Variants in ABLIM1 observed in about 807,000 individuals in gnomAD.
The protein encoded by ABLIM1 is actin-binding LIM protein 1.
Under a neutral mutation model 107.0 loss-of-function variants are expected in ABLIM1, and 40 were observed. The observed-to-expected ratio is 0.37, with a 90% CI of 0.29 to 0.49. ABLIM1 has a LOEUF of 0.49. Among genes scored for constraint, ABLIM1 ranks in the 20% least tolerant of loss-of-function variants. The pLI is 0.97. For synonymous variants in ABLIM1, 357 were observed against 357.3 expected, an observed-to-expected ratio of 1.00 and a Z score of 0.01; for missense variants, 857 against 1,008.5, an observed-to-expected ratio of 0.85 and a Z score of 2.04.
chr10:114,736,165 C>G (rs2082175501), intron 1 of ABLIM1, among the ~76,000 whole-genome samples: 1 of 152,114 alleles, frequency 6.6e-6, no homozygotes, highest in Non-Finnish European at 1.5e-5. Flanking sequence ...TTAAAGTGCC[C>G]CCCAGGAACC....
intron 1 of ABLIM1, among the ~76,000 whole-genome samples, chr10:114,623,818 G>C (rs771599417): frequency 3.5e-4 from 54 of 152,266 alleles, no homozygotes; most frequent in Middle Eastern, 3.4e-3. Context: ...TATTAAAAAA[G>C]CCAGGATCTT....
At chr10:114,534,036 C>G (rs1033120692) in intron 6 of ABLIM1, among the ~76,000 whole-genome samples, 2 of 152,142 alleles carry the variant, frequency 1.3e-5, no homozygotes, top group African/African-American at 4.8e-5. Context: ...TTCTGCTCCC[C>G]CAAGAGAAGG....
chr10:114,441,200 T>C, intron 18 of ABLIM1, 123 bp from the exon 19 acceptor site: 2 of 912,152 alleles, frequency 2.2e-6, no homozygotes, highest in Non-Finnish European at 3.1e-6. Context: ...CAGACCTTCA[T>C]TTTTTTTTTC....
At chr10:114,650,969 C>T (rs11196829) in intron 1 of ABLIM1, among the ~76,000 whole-genome samples, 12,438 of 152,064 alleles carry the variant, frequency 0.082, 988 homozygotes, top group East Asian at 0.45. Flanking sequence ...ATTTTATATA[C>T]GAGAAAACTA....
chr10:114,610,902 C>T (rs757657261), intron 1 of ABLIM1, among the ~76,000 whole-genome samples: 1 of 152,084 alleles, frequency 6.6e-6, no homozygotes, highest in African/African-American at 2.4e-5. Context: ...GTCTGTAATC[C>T]CAGCACTTTG....
chr10:114,592,121 A>C (rs1459283758), intron 2 of ABLIM1, among the ~76,000 whole-genome samples: 1 of 152,214 alleles, frequency 6.6e-6, no homozygotes, highest in Non-Finnish European at 1.5e-5. Flanking sequence ...ATACACAAAT[A>C]AACCATACAT....
chr10:114,512,846 AGG>A (rs1491107067), intron 6 of ABLIM1, among the ~76,000 whole-genome samples: 365 of 109,318 alleles, frequency 3.3e-3, no homozygotes, highest in South Asian at 7.6e-3. Flanking sequence ...GAAGGAAGGA[AGG>A]AAGGAAAGAA....
intron 2 of ABLIM1, among the ~76,000 whole-genome samples, chr10:114,582,708 A>G (rs936501722): frequency 1.3e-5 from 2 of 152,202 alleles, no homozygotes; most frequent in Admixed American, 6.5e-5. Flanking sequence ...ATAAAGTTAC[A>G]TACCTACTAC....
Position 114,575,538 on chromosome 10 carries a change from G to C in ABLIM1, c.441C>G (p.Thr147=), listed in dbSNP as rs774867553. ...TCCCGTACATCCGCTGGTAGTCCAG[G>C]GTGCAGAGATACTCTCCGTTCTTTA... The part of the protein sequence containing the change: ...FFIKNGEYLC[T]LDYQRMYGTR... The change falls in exon 3 of 23, where the codon ACC becomes ACG. Residue 147 remains threonine (T), a synonymous_variant. Transcript: ENST00000533213. 2 of 1,614,164 alleles carry C rather than the reference G, an allele frequency of 1.2e-6. No homozygotes were observed. Among genetic ancestry groups the C allele is most frequent in the Admixed American group, 3.3e-5 (2 of 60,014 alleles).
chr10:114,773,844 TATATATAAATATATATGTAA>T, the ABLIM1 span, among the ~76,000 whole-genome samples: 3 of 150,336 alleles, frequency 2.0e-5, no homozygotes, highest in Non-Finnish European at 4.4e-5. Flanking sequence ...CTGTATCATT[TATATATAAATATATATGTAA>T]ATATATAAAT....
intron 8 of ABLIM1, among the ~76,000 whole-genome samples, chr10:114,483,469 G>A (rs2057695160): frequency 6.6e-6 from 1 of 152,048 alleles, no homozygotes; most frequent in African/African-American, 2.4e-5. Context: ...TACATATGGG[G>A]TTTTGCCATA....
intron 15 of ABLIM1, 98 bp downstream of exon 15, chr10:114,447,782 C>A: frequency 6.6e-7 from 1 of 1,514,612 alleles, no homozygotes. Flanking sequence ...TCTTTAAAAT[C>A]TTCATAATAG....
chr10:114,492,404 A>C (rs1294500826), intron 6 of ABLIM1, among the ~76,000 whole-genome samples: 1 of 152,212 alleles, frequency 6.6e-6, no homozygotes, highest in African/African-American at 2.4e-5. Context: ...AGTCTCCTCT[A>C]TGCAGCTTGC....
chr10:114,609,731 G>A (rs2076678077), intron 1 of ABLIM1, among the ~76,000 whole-genome samples: 1 of 152,162 alleles, frequency 6.6e-6, no homozygotes, highest in South Asian at 2.1e-4. Flanking sequence ...CTGAACTTCT[G>A]ACATTTGCAA....
At position 114,570,171 on chromosome 10, in the gene ABLIM1, C is replaced by G. The variant is rs536529041; in HGVS notation, c.673+1126G>C. Among the ~76,000 whole-genome samples, 4 of 152,346 alleles carry G rather than the reference C, an allele frequency of 2.6e-5. No homozygotes were observed. In the East Asian group the frequency reaches 5.8e-4, roughly 22 times the overall value. On this transcript the variant is annotated intron_variant, in intron 4 of 22. Transcript: ENST00000533213. ...AAGCCACAGAACCCAAGGCAAACCTCTAGTTCACTTCCTAATGTCCCAGGA... is the reference window on the plus strand; with the variant it reads ...AAGCCACAGAACCCAAGGCAAACCTGTAGTTCACTTCCTAATGTCCCAGGA...
At chr10:114,799,484 C>A in the ABLIM1 span, among the ~76,000 whole-genome samples, 4 of 152,250 alleles carry the variant, frequency 2.6e-5, no homozygotes, top group Admixed American at 6.5e-5. Context: ...CTCTTGATCC[C>A]CCCCTCCAAA....
At chr10:114,605,670 C>CA (rs1566079506) in intron 1 of ABLIM1, among the ~76,000 whole-genome samples, 1 of 152,166 alleles carries the variant, frequency 6.6e-6, no homozygotes, top group African/African-American at 2.4e-5. Flanking sequence ...AAACCAAAAG[C>CA]ATGGCTGCAC....
At chr10:114,524,900 C>G (rs934107700) in intron 6 of ABLIM1, among the ~76,000 whole-genome samples, 2 of 152,226 alleles carry the variant, frequency 1.3e-5, no homozygotes, top group African/African-American at 2.4e-5. Context: ...ACCAAATGGT[C>G]AGGCAAAAAC....
At chr10:114,601,800 T>A in intron 2 of ABLIM1, 27 bp downstream of exon 2, 1 of 1,614,156 alleles carries the variant, frequency 6.2e-7, no homozygotes, top group South Asian at 1.1e-5. Context: ...GGCATGCCAC[T>A]GAGCCACGAA....
Sources: gnomAD v4.1 joint callset for allele counts (sites outside exome capture counted in the v4.1 genomes callset) on GRCh38, gnomAD v4.1.1 for gene constraint, MANE v1.5 for transcripts, NCBI Gene and HGNC (gene_info 2026-07-23, HGNC 2026-07-21) for gene names.